Variants in MBD5 observed in about 807,000 individuals in gnomAD.
The protein encoded by MBD5 is methyl-CpG binding domain protein 5, also known as methyl-CpG-binding domain protein 5.
A neutral mutation model predicts 117.3 loss-of-function variants in MBD5; 13 were observed. That is an observed-to-expected ratio of 0.11 (90% CI 0.07 to 0.18). The LOEUF (loss-of-function observed/expected upper bound fraction) is 0.18. Ranked by LOEUF, MBD5 falls within the 10% of genes least tolerant of loss-of-function variation. MBD5 has a pLI of 1.00. For synonymous variants in MBD5, 727 were observed against 766.4 expected (o/e 0.95, Z 0.85); for missense variants, 1,879 against 2,093.8 (o/e 0.90, Z 2.00).
chr2:148,062,011 A>T (rs534905260), intron 1 of MBD5: 2 of 150,696 alleles, frequency 1.3e-5, no homozygotes, highest in Admixed American at 6.6e-5. Context: ...TTTTTTATTC[A>T]TAAATATGTA....
intron 2 of MBD5, among the ~76,000 whole-genome samples, chr2:148,221,134 C>A (rs984154102): frequency 6.6e-6 from 1 of 152,052 alleles, no homozygotes; most frequent in Non-Finnish European, 1.5e-5. Flanking sequence ...CTGAATAGTA[C>A]TTTATTGTGT....
In MBD5 at chr2:148,357,155, C is replaced by G. The variant is rs73015144; in HGVS notation, c.-557+14819C>G. ...ACATTTAAAAGGTGCTATTTTTGGC[C>G]ACCTACTCTACATGAGACACTGTTT... is the stretch of plus-strand genomic sequence containing the variant. On this transcript the variant is annotated intron_variant, in intron 4 of 13. Transcript: ENST00000642680. Among the ~76,000 whole-genome samples, 712 of 152,210 alleles carry G rather than the reference C, an allele frequency of 4.7e-3. 7 individuals are homozygous for G. The highest frequency in any genetic ancestry group is 0.016 in the African/African-American group (664 of 41,546).
At chr2:148,326,095 C>G (rs1177087030) in intron 3 of MBD5, among the ~76,000 whole-genome samples, 1 of 151,972 alleles carries the variant, frequency 6.6e-6, no homozygotes, top group Non-Finnish European at 1.5e-5. Flanking sequence ...CGTTATGTAC[C>G]CAGTAGTCAT....
At chr2:148,381,670 G>C (rs577468507) in intron 4 of MBD5, among the ~76,000 whole-genome samples, 1 of 152,272 alleles carries the variant, frequency 6.6e-6, no homozygotes, top group African/African-American at 2.4e-5. Flanking sequence ...ATTTACCAAA[G>C]TTGAAATGAA....
intron 4 of MBD5, among the ~76,000 whole-genome samples, chr2:148,456,356 C>A (rs1706883182): frequency 6.6e-6 from 1 of 152,128 alleles, no homozygotes; most frequent in Non-Finnish European, 1.5e-5. Context: ...TTCATGATGG[C>A]TCTGCCCCCA....
intron 3 of MBD5, among the ~76,000 whole-genome samples, chr2:148,324,000 A>G (rs913839348): frequency 6.6e-6 from 1 of 152,172 alleles, no homozygotes; most frequent in African/African-American, 2.4e-5. Context: ...TCTTTAATCC[A>G]TCTTGAATTG....
chr2:148,476,739 T>C (rs572889429), intron 8 of MBD5, among the ~76,000 whole-genome samples: 4 of 152,342 alleles, frequency 2.6e-5, no homozygotes, highest in African/African-American at 9.6e-5. Context: ...TAGGATGTGC[T>C]AGGCACTGTT....
intron 13 of MBD5, among the ~76,000 whole-genome samples, chr2:148,512,640 C>T (rs186632504): frequency 9.5e-4 from 144 of 152,256 alleles, no homozygotes; most frequent in African/African-American, 3.2e-3. Flanking sequence ...TATTGGCACC[C>T]GCAGAGTGTT....
At chr2:148,108,339 C>G (rs1450939802) in intron 1 of MBD5, among the ~76,000 whole-genome samples, 3 of 151,962 alleles carry the variant, frequency 2.0e-5, no homozygotes, top group African/African-American at 7.3e-5. Flanking sequence ...ATAATGGTAC[C>G]TTTTTTATAA....
intron 3 of MBD5, among the ~76,000 whole-genome samples, chr2:148,319,414 G>A (rs138631729): frequency 6.6e-6 from 1 of 152,044 alleles, no homozygotes; most frequent in African/African-American, 2.4e-5. Context: ...ATTTGTTTGT[G>A]TCATCAAAGA....
chr2:148,241,886 T>A (rs997366391), intron 3 of MBD5, among the ~76,000 whole-genome samples: 63 of 152,336 alleles, frequency 4.1e-4, no homozygotes, highest in Middle Eastern at 3.4e-3. Flanking sequence ...TTTTTCACCA[T>A]TTACAGTTGT....
At chr2:148,222,762 A>C (rs955126458) in intron 2 of MBD5, among the ~76,000 whole-genome samples, 1 of 151,930 alleles carries the variant, frequency 6.6e-6, no homozygotes, top group Admixed American at 6.6e-5. Context: ...GATGCCCTTT[A>C]TTTCTTTCTC....
At chr2:148,403,712 T>C (rs529254551) in intron 4 of MBD5, among the ~76,000 whole-genome samples, 1 of 152,258 alleles carries the variant, frequency 6.6e-6, no homozygotes, top group African/African-American at 2.4e-5. Context: ...AATGCACCAA[T>C]CTTGTTCAGA....
At chr2:148,201,625 G>A (rs963041637) in intron 2 of MBD5, among the ~76,000 whole-genome samples, 2 of 152,164 alleles carry the variant, frequency 1.3e-5, no homozygotes, top group African/African-American at 2.4e-5. Context: ...TCGGTCCGAA[G>A]TTCTTGTCCT....
intron 4 of MBD5, among the ~76,000 whole-genome samples, chr2:148,451,528 C>G (rs1706728002): frequency 6.6e-6 from 1 of 151,890 alleles, no homozygotes; most frequent in Non-Finnish European, 1.5e-5. Context: ...GGGGAAATGT[C>G]ATTTAGGGTT....
chr2:148,469,530 A>C lies in MBD5; in HGVS notation c.1587A>C (p.Ile529=). The change falls in exon 8 of 14, where the codon ATA becomes ATC. Residue 529 remains isoleucine (I), a synonymous_variant. Transcript: ENST00000642680. ...KDIPNPLIAG[I]SNVLNTPSSA... is the part of the protein sequence containing the mutation. Reference sequence around the variant, plus strand: ...TCCCTAACCCATTAATTGCTGGAATAAGTAATGTACTAAATACCCCAAGCA... The same window carrying C: ...TCCCTAACCCATTAATTGCTGGAATCAGTAATGTACTAAATACCCCAAGCA... 1 of 1,613,802 alleles carries C rather than the reference A, an allele frequency of 6.2e-7. No individual in the cohort carries two copies. Among genetic ancestry groups the C allele is most frequent in the Non-Finnish European group, 8.5e-7 (1 of 1,179,918 alleles).
chr2:148,393,120 A>T (rs1209575428), intron 4 of MBD5, among the ~76,000 whole-genome samples: 1 of 152,166 alleles, frequency 6.6e-6, no homozygotes, highest in Non-Finnish European at 1.5e-5. Context: ...AGAGAGACCA[A>T]GGGAGCTAAA....
intron 3 of MBD5, among the ~76,000 whole-genome samples, chr2:148,287,908 C>G (rs931417280): frequency 2.0e-5 from 3 of 152,106 alleles, no homozygotes; most frequent in Non-Finnish European, 4.4e-5. Context: ...ATTACATTTG[C>G]AACACATGAA....
At chr2:148,169,084 G>T (rs1698197289) in intron 1 of MBD5, among the ~76,000 whole-genome samples, 1 of 151,708 alleles carries the variant, frequency 6.6e-6, no homozygotes, top group Non-Finnish European at 1.5e-5. Context: ...AAAATAAATG[G>T]AAATTACCCC....
Sources: gnomAD v4.1 joint callset for allele counts (sites outside exome capture counted in the v4.1 genomes callset) on GRCh38, gnomAD v4.1.1 for gene constraint, MANE v1.5 for transcripts, NCBI Gene and HGNC (gene_info 2026-07-23, HGNC 2026-07-21) for gene names.